The following ME1 variants were observed in gnomAD, a reference collection of about 807,000 sequenced individuals.
ME1 encodes the protein NADP-dependent malic enzyme.
In ME1, 74 loss-of-function variants were observed where a neutral mutation model predicts 66.4. That is an observed-to-expected ratio of 1.11 (90% CI 0.92 to 1.35). The LOEUF (loss-of-function observed/expected upper bound fraction) is 1.35, where lower values mean the gene tolerates loss of function less well. ME1 is among the 40% of genes most tolerant of loss of function. The pLI is 0.00. For missense variants in ME1, 750 were observed against 694.1 expected, an observed-to-expected ratio of 1.08 and a Z score of -0.90; for synonymous variants, 251 against 235.6, an observed-to-expected ratio of 1.07 and a Z score of -0.60.
intron 3 of ME1, among the ~76,000 whole-genome samples, chr6:83,372,903 C>T (rs920306321): frequency 6.6e-6 from 1 of 152,036 alleles, no homozygotes; most frequent in Non-Finnish European, 1.5e-5. Flanking sequence ...TATGCTATGT[C>T]CACCGGAAAG....
At position 83,283,227 on chromosome 6, in the gene ME1, C is replaced by CAAAAAAAAAAAAAAAA. The variant is rs71545854; in HGVS notation, c.705-29505_705-29490dup. ...TGGGCGACAGAGCAAGACTCCGTCTCAAAAAAAAAAAAAAAAAAAAATGAT... is the reference window on the plus strand; with the variant it reads ...TGGGCGACAGAGCAAGACTCCGTCTCAAAAAAAAAAAAAAAAAAAAAAAAAAAAAAAAAAAAATGAT... On this transcript the variant is annotated intron_variant, in intron 6 of 13. Coordinates refer to ENST00000369705, the MANE Select transcript of ME1 (RefSeq NM_002395.6). Among the ~76,000 whole-genome samples, 23 of 28,900 alleles carry CAAAAAAAAAAAAAAAA rather than the reference C, an allele frequency of 8.0e-4. 1 individual carries two copies. Among genetic ancestry groups the CAAAAAAAAAAAAAAAA allele is most frequent in the African/African-American group, 1.5e-3 (11 of 7,226 alleles). 19.0% of individuals were successfully genotyped at this position (28,900 alleles called of 152,430 possible).
At position 83,402,008 on chromosome 6, in the gene ME1, A is replaced by G. The variant is rs1769849558; in HGVS notation, c.213-3492T>C. ...TATTCATGGACTTACAAAATGCCTTACCTACCCTCATGGTATTCCACACAG... is the reference window on the plus strand; with the variant it reads ...TATTCATGGACTTACAAAATGCCTTGCCTACCCTCATGGTATTCCACACAG... On this transcript the variant is annotated intron_variant, in intron 2 of 13. Transcript: ENST00000369705. Among the ~76,000 whole-genome samples, 3 of 152,176 alleles carry G rather than the reference A, an allele frequency of 2.0e-5. No homozygotes were observed. The South Asian group carries it at 6.2e-4, about 31-fold the overall frequency.
intron 2 of ME1, among the ~76,000 whole-genome samples, chr6:83,400,339 T>C (rs1769816515): frequency 6.6e-6 from 1 of 152,160 alleles, no homozygotes; most frequent in Non-Finnish European, 1.5e-5. Context: ...CCACCATGAT[T>C]GTAAGCTTCC....
chr6:83,285,068 C>T (rs527710567), intron 6 of ME1, among the ~76,000 whole-genome samples: 2 of 152,144 alleles, frequency 1.3e-5, no homozygotes, highest in South Asian at 2.1e-4. Flanking sequence ...TCTGTTTTCC[C>T]GTTTTGTCTT....
At chr6:83,368,494 A>C (rs1769140727) in intron 3 of ME1, among the ~76,000 whole-genome samples, 1 of 152,136 alleles carries the variant, frequency 6.6e-6, no homozygotes, top group East Asian at 1.9e-4. Flanking sequence ...TTTGCATGTG[A>C]TTTAAATATT....
intron 6 of ME1, among the ~76,000 whole-genome samples, chr6:83,276,080 T>C (rs377617332): frequency 2.0e-5 from 3 of 152,060 alleles, no homozygotes; most frequent in Non-Finnish European, 4.4e-5. Flanking sequence ...CAACATTTTT[T>C]AGTTTAATCT....
rs1769638927 is a variant in ME1 at position 83,392,400 on chromosome 6, G to T, written c.362+5967C>A. The stretch of plus-strand genomic sequence containing the variant: ...TGCATCTTCTCGTGCATTGCCAGCT[G>T]CATCCCTGAGACACCATGGTGAAGG... On this transcript the variant is annotated intron_variant, in intron 3 of 13. Coordinates refer to ENST00000369705, the MANE Select transcript of ME1 (RefSeq NM_002395.6). 1.2e-5 allele frequency: 6 copies of T among 495,312 alleles called. No individual in the cohort carries two copies. The Admixed American group carries it at 1.2e-4, about 10-fold the overall frequency. The allele number at this position is 495,312 out of a possible 1,614,324, so 30.7% of individuals were successfully genotyped here. A position where few individuals can be genotyped will look rare whatever the true frequency, so the allele number is the denominator to read the frequency against.
At chr6:83,278,308 C>T (rs879792295) in intron 6 of ME1, among the ~76,000 whole-genome samples, 1 of 152,184 alleles carries the variant, frequency 6.6e-6, no homozygotes, top group Non-Finnish European at 1.5e-5. Context: ...GAGGTCCAGT[C>T]TTATGGGGGC....
In ME1 at chr6:83,291,543, G is replaced by A. The variant is rs112867629; in HGVS notation, c.704+23767C>T. Among the ~76,000 whole-genome samples the A allele has an allele frequency of 9.5e-3, 1,442 of 152,174 alleles. 36 individuals are homozygous for A. The highest frequency in any genetic ancestry group is 0.033 in the African/African-American group (1,365 of 41,516). ...GGTAACCCAACCTTTCTCTCTCACT[G>A]CCCTTAACATTTTTTCCTTCATTTC... is the stretch of plus-strand genomic sequence containing the variant. On this transcript the variant is annotated intron_variant, in intron 6 of 13. Transcript: ENST00000369705.
intron 6 of ME1, among the ~76,000 whole-genome samples, chr6:83,277,408 A>C (rs1232046936): frequency 2.0e-5 from 3 of 152,194 alleles, no homozygotes; most frequent in Non-Finnish European, 4.4e-5. Flanking sequence ...ATTAGCAGAA[A>C]ACACAACTGA....
intron 6 of ME1, among the ~76,000 whole-genome samples, chr6:83,314,075 T>G (rs984930914): frequency 6.6e-6 from 1 of 152,176 alleles, no homozygotes; most frequent in African/African-American, 2.4e-5. Context: ...AACATATGTG[T>G]TTTTAAATAG....
At chr6:83,360,898 T>C (rs1768996116) in intron 3 of ME1, among the ~76,000 whole-genome samples, 1 of 152,252 alleles carries the variant, frequency 6.6e-6, no homozygotes, top group Non-Finnish European at 1.5e-5. Context: ...GTTCCTGGTA[T>C]GCAGCCATTG....
At chr6:83,377,679 G>GA (rs945110160) in intron 3 of ME1, among the ~76,000 whole-genome samples, 2 of 151,678 alleles carry the variant, frequency 1.3e-5, no homozygotes, top group South Asian at 2.1e-4. Flanking sequence ...ATAATTATTT[G>GA]AAAAAAAATG....
intron 1 of ME1, among the ~76,000 whole-genome samples, chr6:83,419,879 A>G (rs75378445): frequency 0.024 from 3,660 of 152,262 alleles, 63 homozygotes; most frequent in Non-Finnish European, 0.037. Context: ...GCATTAAATA[A>G]AAGACATTTC....
chr6:83,272,419 T>C (rs1216538549), intron 6 of ME1, among the ~76,000 whole-genome samples: 1 of 152,170 alleles, frequency 6.6e-6, no homozygotes, highest in Non-Finnish European at 1.5e-5. Flanking sequence ...AATTTGTGTG[T>C]AACATACTTT....
At chr6:83,240,676 T>C (rs1410657559) in intron 7 of ME1, among the ~76,000 whole-genome samples, 3 of 152,134 alleles carry the variant, frequency 2.0e-5, no homozygotes, top group Non-Finnish European at 4.4e-5. Flanking sequence ...TAGCTAAACG[T>C]TAAATACCCT....
At chr6:83,399,480 C>A (rs186853063) in intron 2 of ME1, among the ~76,000 whole-genome samples, 1 of 152,136 alleles carries the variant, frequency 6.6e-6, no homozygotes, top group Non-Finnish European at 1.5e-5. Context: ...AGAAAGATTT[C>A]ATCCTTTGAC....
At chr6:83,371,209 AGC>A (rs1562492733) in intron 3 of ME1, among the ~76,000 whole-genome samples, 2 of 152,186 alleles carry the variant, frequency 1.3e-5, no homozygotes, top group African/African-American at 4.8e-5. Flanking sequence ...GAAGAGCAAT[AGC>A]TTCTTAGTTG....
intron 6 of ME1, among the ~76,000 whole-genome samples, chr6:83,264,041 A>G (rs1766945776): frequency 6.6e-6 from 1 of 152,192 alleles, no homozygotes; most frequent in Admixed American, 6.5e-5. Context: ...TCAAAGCTTC[A>G]AAGAATAGGC....
Sources: gnomAD v4.1 joint callset for allele counts (sites outside exome capture counted in the v4.1 genomes callset) on GRCh38, gnomAD v4.1.1 for gene constraint, MANE v1.5 for transcripts, NCBI Gene and HGNC (gene_info 2026-07-23, HGNC 2026-07-21) for gene names.